The following UNC5D variants were observed in gnomAD, a reference collection of about 807,000 sequenced individuals.
UNC5D encodes the protein unc-5 netrin receptor D.
Under a neutral mutation model 105.4 loss-of-function variants are expected in UNC5D, and 39 were observed. The ratio of observed to expected loss-of-function variants is 0.37; its 90% CI spans 0.29 to 0.48. The LOEUF (loss-of-function observed/expected upper bound fraction) is 0.48, where lower values mean the gene tolerates loss of function less well. UNC5D is among the 20% of genes least tolerant of loss of function. The pLI, the probability that UNC5D is intolerant of heterozygous loss-of-function variation, is 0.98. For synonymous variants in UNC5D, 452 were observed against 450.4 expected (o/e 1.00, Z -0.04); for missense variants, 991 against 1,202.4 (o/e 0.82, Z 2.60).
chr8:35,383,119 G>A (rs1166261167), intron 1 of UNC5D, among the ~76,000 whole-genome samples: 1 of 152,190 alleles, frequency 6.6e-6, no homozygotes, highest in Non-Finnish European at 1.5e-5. Context: ...AATTCAATAA[G>A]AGGGTAATTT....
chr8:35,574,307 G>A (rs776546306), intron 3 of UNC5D, among the ~76,000 whole-genome samples: 3 of 152,140 alleles, frequency 2.0e-5, no homozygotes, highest in Non-Finnish European at 4.4e-5. Flanking sequence ...GCCTGTTTTA[G>A]TCAAGCCTGT....
intron 1 of UNC5D, among the ~76,000 whole-genome samples, chr8:35,501,064 AC>A (rs1811935042): frequency 6.6e-6 from 1 of 152,178 alleles, no homozygotes; most frequent in South Asian, 2.1e-4. Context: ...TTAGCACAGC[AC>A]TTGTTACATA....
At chr8:35,603,405 A>T (rs926777700) in intron 4 of UNC5D, among the ~76,000 whole-genome samples, 2 of 152,142 alleles carry the variant, frequency 1.3e-5, no homozygotes, top group Non-Finnish European at 2.9e-5. Context: ...GTTATCTGAG[A>T]GACAGTTTGC....
At chr8:35,347,750 C>A (rs1040568432) in intron 1 of UNC5D, among the ~76,000 whole-genome samples, 3 of 151,970 alleles carry the variant, frequency 2.0e-5, no homozygotes, top group Non-Finnish European at 2.9e-5. Context: ...CTTTGTACTT[C>A]ATGAGTGTAT....
chr8:35,373,362 C>A (rs966163545), intron 1 of UNC5D, among the ~76,000 whole-genome samples: 1 of 152,236 alleles, frequency 6.6e-6, no homozygotes, highest in African/African-American at 2.4e-5. Flanking sequence ...ATGTTACCTA[C>A]TCTACAGTAC....
intron 4 of UNC5D, among the ~76,000 whole-genome samples, chr8:35,645,527 CTGTGTGTGTGTG>C (rs374310163): frequency 6.9e-6 from 1 of 145,384 alleles, no homozygotes. Flanking sequence ...TGTGTGTGTG[CTGTGTGTGTGTG>C]TGTGTGTGTG....
intron 1 of UNC5D, among the ~76,000 whole-genome samples, chr8:35,465,640 T>C (rs1039192753): frequency 6.6e-6 from 1 of 152,348 alleles, no homozygotes; most frequent in Admixed American, 6.5e-5. Context: ...TCTCTTAATA[T>C]TGTCTTCTTC....
intron 1 of UNC5D, among the ~76,000 whole-genome samples, chr8:35,490,780 T>G (rs1811163564): frequency 6.6e-6 from 1 of 152,194 alleles, no homozygotes; most frequent in Admixed American, 6.5e-5. Context: ...CAGAAGCTAC[T>G]AGAGGGTTTT....
At chr8:35,556,062 C>T (rs1010188971) in intron 2 of UNC5D, among the ~76,000 whole-genome samples, 3 of 151,998 alleles carry the variant, frequency 2.0e-5, no homozygotes, top group African/African-American at 7.3e-5. Flanking sequence ...TCCTTGGTTC[C>T]TCCGTGTGTA....
chr8:35,279,510 G>T (rs1448870613), intron 1 of UNC5D, among the ~76,000 whole-genome samples: 1 of 152,200 alleles, frequency 6.6e-6, no homozygotes, highest in Non-Finnish European at 1.5e-5. Flanking sequence ...GAGAAAACTT[G>T]TCAGCATTGT....
intron 1 of UNC5D, among the ~76,000 whole-genome samples, chr8:35,321,786 T>G (rs532902578): frequency 2.3e-3 from 347 of 152,256 alleles, no homozygotes; most frequent in Middle Eastern, 6.8e-3. Flanking sequence ...TCACTACGGT[T>G]TCATGTTGCA....
intron 4 of UNC5D, among the ~76,000 whole-genome samples, chr8:35,645,584 C>T (rs1160048433): frequency 6.6e-6 from 1 of 151,098 alleles, no homozygotes; most frequent in African/African-American, 2.4e-5. Flanking sequence ...GTACTCCAAC[C>T]CTTCTTCCCA....
At position 35,250,116 on chromosome 8, in the gene UNC5D, A is replaced by G. The variant is rs568146480; in HGVS notation, c.103+14229A>G. The stretch of plus-strand genomic sequence containing the variant: ...AGATGAGCCCCAAATGTTTAATGTA[A>G]CCCTTGTTTATAGAAACACCCATGT... On this transcript the variant is annotated intron_variant, in intron 1 of 16. Coordinates refer to ENST00000404895, the MANE Select transcript of UNC5D (RefSeq NM_080872.4). 7.9e-5 allele frequency among the ~76,000 whole-genome samples: 12 copies of G among 152,186 alleles called. No homozygotes were observed. The East Asian group carries it at 2.3e-3, about 29-fold the overall frequency.
At chr8:35,365,684 G>C (rs1411157040) in intron 1 of UNC5D, among the ~76,000 whole-genome samples, 1 of 151,178 alleles carries the variant, frequency 6.6e-6, no homozygotes, top group African/African-American at 2.4e-5. Flanking sequence ...AAAGATGGCA[G>C]GTATAATTTC....
intron 1 of UNC5D, among the ~76,000 whole-genome samples, chr8:35,503,600 G>A (rs776860776): frequency 3.9e-5 from 6 of 152,194 alleles, no homozygotes; most frequent in Non-Finnish European, 5.9e-5. Flanking sequence ...TCAGGACTGT[G>A]AATATTTCAC....
rs1019452455 is a variant in UNC5D at position 35,684,677 on chromosome 8, G to A, written c.847G>A (p.Ala283Thr). Reference sequence around the variant, plus strand: ...ACGTTCCCGGACCTGCACCAACCCAGCTCCTCTCAATGGTGGGGCCTTTTG... The same window carrying A: ...ACGTTCCCGGACCTGCACCAACCCAACTCCTCTCAATGGTGGGGCCTTTTG... ...QKRSRTCTNP[A>T]PLNGGAFCEG... The change falls in exon 6 of 17, where the codon GCT becomes ACT. Residue 283 changes from alanine (A) to threonine (T), a missense_variant. Around this residue, in one of 3 missense-constraint regions of UNC5D, gnomAD observed 944 missense variants for 1,131.6 expected, o/e 0.83. Transcript: ENST00000404895. 1 of 1,613,860 alleles carries A rather than the reference G, an allele frequency of 6.2e-7. No individual in the cohort carries two copies. The highest frequency in any genetic ancestry group is 1.3e-5 in the African/African-American group (1 of 74,904).
chr8:35,750,875 A>T (rs1389220460), intron 13 of UNC5D, 66 bp downstream of exon 13: 29 of 1,588,524 alleles, frequency 1.8e-5, no homozygotes, highest in Non-Finnish European at 2.5e-5. Context: ...AAAGATCAGT[A>T]TCAATTGAAA....
chr8:35,596,898 A>G (rs1819522520), intron 4 of UNC5D, among the ~76,000 whole-genome samples: 1 of 152,090 alleles, frequency 6.6e-6, no homozygotes. Context: ...CCTTTAGCTT[A>G]GTGATTTGGG....
At chr8:35,281,053 G>A (rs1212233767) in intron 1 of UNC5D, among the ~76,000 whole-genome samples, 2 of 152,048 alleles carry the variant, frequency 1.3e-5, no homozygotes, top group East Asian at 1.9e-4. Flanking sequence ...CCCGTTGCCG[G>A]AACTCACTCA....
Sources: allele counts gnomAD v4.1 joint callset (sites outside exome capture counted in the v4.1 genomes callset), GRCh38; gene constraint gnomAD v4.1.1; regional missense constraint gnomAD v4.1.1; transcripts MANE v1.5; gene names NCBI Gene and HGNC (gene_info 2026-07-23, HGNC 2026-07-21).